The following ZNF808 variants were observed in gnomAD, a reference collection of about 807,000 sequenced individuals.
ZNF808 encodes zinc finger protein 808.
Under a neutral mutation model 8.7 loss-of-function variants are expected in ZNF808, and 5 were observed. That is an observed-to-expected ratio of 0.58 (90% confidence interval 0.30 to 1.21). The LOEUF is 1.21. Ranked by LOEUF, ZNF808 falls within the 50% of genes most tolerant of loss-of-function variation. The pLI, the probability that ZNF808 is intolerant of heterozygous loss-of-function variation, is 0.07. For missense variants in ZNF808, 1,103 were observed against 1,098.4 expected (o/e 1.00, Z -0.06); for synonymous variants, 380 against 366.0 (o/e 1.04, Z -0.44).
chr19:52,533,843 CAAAAAAAAAAAAAA>C (rs919374020), intron 2 of ZNF808, among the ~76,000 whole-genome samples: 27 of 30,764 alleles, frequency 8.8e-4, no homozygotes, highest in Non-Finnish European at 1.4e-3. Context: ...ACTCCGTCTC[CAAAAAAAAAAAAAA>C]AAAAAAAAAA....
At chr19:52,558,613 G>T (rs922696912), downstream of ZNF808, among the ~76,000 whole-genome samples, 1 of 151,876 alleles carries the variant, frequency 6.6e-6, no homozygotes, top group Non-Finnish European at 1.5e-5. Context: ...CTCGTGATCC[G>T]CCCGCCTCGG....
chr19:52,555,038 A>G lies in ZNF808; in HGVS notation c.2122A>G (p.Lys708Glu). The change falls in exon 5 of 5, where the codon AAG becomes GAG. Residue 708 changes from lysine (K) to glutamate (E), a missense_variant. Physicochemically the swap from Lys to Glu is moderately conservative, Grantham distance 56. Coordinates refer to ENST00000359798, the MANE Select transcript of ZNF808 (RefSeq NM_001039886.4). The part of the protein sequence containing the change: ...TRIHSGMKPY[K>E]CNECSKTFSN... ...AATTCACAGTGGAATGAAACCTTAC[A>G]AGTGTAATGAGTGCAGCAAGACCTT... 6.2e-7 allele frequency: 1 copy of G among 1,614,076 alleles called. No homozygotes were observed. Among genetic ancestry groups the G allele is most frequent in the Non-Finnish European group, 8.5e-7 (1 of 1,180,020 alleles).
At chr19:52,538,354 T>C in intron 2 of ZNF808, among the ~76,000 whole-genome samples, 1 of 151,840 alleles carries the variant, frequency 6.6e-6, no homozygotes, top group East Asian at 1.9e-4. Flanking sequence ...TTATTATTAG[T>C]TTTTTGAGGT....
At position 52,534,734 on chromosome 19, in the gene ZNF808, T is replaced by G. The variant is rs62117196; in HGVS notation, c.-20+1725T>G. Reference sequence around the variant, plus strand: ...TGAAACCCCGTCTCTACCAAAAATATGAAAGTTAGCTGGGCATGGTCGTGT... The same window carrying G: ...TGAAACCCCGTCTCTACCAAAAATAGGAAAGTTAGCTGGGCATGGTCGTGT... On this transcript the variant is annotated intron_variant, in intron 2 of 4. Transcript: ENST00000359798. 9.7e-3 allele frequency among the ~76,000 whole-genome samples: 1,470 copies of G among 150,922 alleles called. 12 individuals are homozygous for G. The highest frequency in any genetic ancestry group is 0.038 in the Middle Eastern group (11 of 290).
chr19:52,535,651 A>C (rs1169177193), intron 2 of ZNF808, among the ~76,000 whole-genome samples: 1 of 152,180 alleles, frequency 6.6e-6, no homozygotes, highest in Non-Finnish European at 1.5e-5. Flanking sequence ...GAATGAATGG[A>C]GAATAGAAAG....
downstream of ZNF808, among the ~76,000 whole-genome samples, chr19:52,566,816 G>T (rs1275203070): frequency 6.6e-6 from 1 of 152,170 alleles, no homozygotes; most frequent in African/African-American, 2.4e-5. Flanking sequence ...GTTAAGAAAA[G>T]CAGCTTAATC....
intron 1 of ZNF808, among the ~76,000 whole-genome samples, chr19:52,530,603 C>T (rs2059552842): frequency 6.6e-6 from 1 of 150,826 alleles, no homozygotes; most frequent in Non-Finnish European, 1.5e-5. Context: ...GCAGAGGTTG[C>T]AGTGAGCCGA....
intron 2 of ZNF808, among the ~76,000 whole-genome samples, chr19:52,534,010 G>T (rs1446588565): frequency 6.6e-6 from 1 of 152,130 alleles, no homozygotes; most frequent in Non-Finnish European, 1.5e-5. Flanking sequence ...GAGTCTAGTG[G>T]AATGCAGGTG....
At chr19:52,552,845 T>A (rs1191217836) in intron 4 of ZNF808, among the ~76,000 whole-genome samples, 1 of 152,162 alleles carries the variant, frequency 6.6e-6, no homozygotes, top group African/African-American at 2.4e-5. Flanking sequence ...GGAAAAATAC[T>A]CCTTACTTTA....
chr19:52,563,945 G>A, exon 4 of ZNF808: 1 of 317,096 alleles, frequency 3.2e-6, no homozygotes, highest in South Asian at 2.8e-5. Context: ...TCGATGAGCC[G>A]GGATCCTGCC....
At chr19:52,559,621 G>A (rs1475546073), downstream of ZNF808, among the ~76,000 whole-genome samples, 2 of 152,128 alleles carry the variant, frequency 1.3e-5, no homozygotes, top group East Asian at 1.9e-4. Context: ...TCCACCTGAC[G>A]AGAAATGCCC....
intron 3 of ZNF808, among the ~76,000 whole-genome samples, chr19:52,545,962 T>A (rs2059716058): frequency 1.3e-5 from 2 of 152,214 alleles, no homozygotes; most frequent in Non-Finnish European, 2.9e-5. Flanking sequence ...TATATTCAAA[T>A]GTGAATCCCA....
intron 1 of ZNF808, among the ~76,000 whole-genome samples, chr19:52,532,605 C>T (rs1452617578): frequency 6.6e-6 from 1 of 151,906 alleles, no homozygotes. Flanking sequence ...ATGTTTTTTG[C>T]AAACTGTGAT....
chr19:52,567,158 G>C (rs560273833), downstream of ZNF808, among the ~76,000 whole-genome samples: 2 of 151,988 alleles, frequency 1.3e-5, no homozygotes, highest in Non-Finnish European at 2.9e-5. Context: ...CATCACGTTC[G>C]CAAGGCTGGT....
chr19:52,551,154 C>T (rs1006882326), intron 4 of ZNF808, among the ~76,000 whole-genome samples: 1 of 152,124 alleles, frequency 6.6e-6, no homozygotes, highest in African/African-American at 2.4e-5. Flanking sequence ...AAGTTCAAGA[C>T]CAGCCTGGCC....
At chr19:52,549,560 G>A (rs2059755169) in intron 4 of ZNF808, among the ~76,000 whole-genome samples, 1 of 151,958 alleles carries the variant, frequency 6.6e-6, no homozygotes, top group South Asian at 2.1e-4. Flanking sequence ...ATTTAACCTT[G>A]GGTCAATATT....
chr19:52,530,177 C>T (rs999541279), intron 1 of ZNF808, among the ~76,000 whole-genome samples: 1 of 152,100 alleles, frequency 6.6e-6, no homozygotes, highest in Non-Finnish European at 1.5e-5. Context: ...TCTACTGCCT[C>T]ACTCTCCAGA....
At chr19:52,537,135 G>T (rs796332827) in intron 2 of ZNF808, among the ~76,000 whole-genome samples, 2 of 152,068 alleles carry the variant, frequency 1.3e-5, no homozygotes, top group African/African-American at 4.8e-5. Context: ...GCGGTGAGCC[G>T]AGATCGCACC....
At chr19:52,559,425 A>G (rs1032272975), downstream of ZNF808, among the ~76,000 whole-genome samples, 5 of 151,968 alleles carry the variant, frequency 3.3e-5, no homozygotes, top group East Asian at 9.7e-4. Flanking sequence ...TCTCTCCACT[A>G]TTACCTTATT....
Sources: allele counts gnomAD v4.1 joint callset (sites outside exome capture counted in the v4.1 genomes callset), GRCh38; gene constraint gnomAD v4.1.1; transcripts MANE v1.5; gene names NCBI Gene and HGNC (gene_info 2026-07-23, HGNC 2026-07-21).